The following TET3 variants were observed in gnomAD, a reference collection of about 807,000 sequenced individuals.
TET3 encodes methylcytosine dioxygenase TET3.
A neutral mutation model predicts 141.4 loss-of-function variants in TET3; 19 were observed. The ratio of observed to expected loss-of-function variants is 0.13; its 90% CI spans 0.09 to 0.20. The LOEUF (loss-of-function observed/expected upper bound fraction) is 0.20, where lower values mean the gene tolerates loss of function less well. Ranked by LOEUF, TET3 falls within the 10% of genes least tolerant of loss-of-function variation. The pLI is 1.00. For missense variants in TET3, 1,874 were observed against 2,356.9 expected (o/e 0.80, Z 4.24); for synonymous variants, 1,043 against 980.9 (o/e 1.06, Z -1.18).
At chr2:74,034,252 T>A (rs1349000504) in intron 3 of TET3, among the ~76,000 whole-genome samples, 1 of 151,406 alleles carries the variant, frequency 6.6e-6, no homozygotes, top group Admixed American at 6.6e-5. Context: ...TTATAGTTTT[T>A]TTTTTTATGT....
chr2:74,017,155 A>G (rs936339643), intron 3 of TET3, among the ~76,000 whole-genome samples: 1 of 151,990 alleles, frequency 6.6e-6, no homozygotes, highest in Non-Finnish European at 1.5e-5. Context: ...CCCGCACGAC[A>G]TTGTATGCCT....
chr2:74,099,785 C>A (rs1691065076), intron 11 of TET3, among the ~76,000 whole-genome samples, 173 bp downstream of exon 11: 1 of 152,130 alleles, frequency 6.6e-6, no homozygotes, highest in Non-Finnish European at 1.5e-5. Context: ...CGTGGGGATG[C>A]AAGTACAGCA....
At chr2:74,067,878 G>T (rs1688996609) in intron 4 of TET3, among the ~76,000 whole-genome samples, 1 of 152,204 alleles carries the variant, frequency 6.6e-6, no homozygotes, top group African/African-American at 2.4e-5. Flanking sequence ...GAGATGGTGT[G>T]GTGGGGACTT....
the TET3 span, among the ~76,000 whole-genome samples, chr2:74,127,759 G>A: frequency 6.6e-6 from 1 of 151,854 alleles, no homozygotes; most frequent in East Asian, 1.9e-4. Flanking sequence ...GGTTTGTATA[G>A]GGCACGGGAG....
chr2:74,080,698 G>GC (rs1329837752), intron 6 of TET3, 107 bp downstream of exon 6: 2 of 399,888 alleles, frequency 5.0e-6, no homozygotes, highest in African/African-American at 4.4e-5. Flanking sequence ...GCAGGCGAGG[G>GC]CGGGGGGTGG....
At position 74,046,252 on chromosome 2, in the gene TET3, T is replaced by G. The variant is rs1334407871; in HGVS notation, c.361-26T>G. 1 of 1,463,530 alleles carries G rather than the reference T, an allele frequency of 6.8e-7. No individual in the cohort carries two copies. The highest frequency in any genetic ancestry group is 2.5e-5 in the Admixed American group (1 of 39,418). 90.7% of individuals were successfully genotyped at this position (1,463,530 alleles called of 1,614,324 possible). On this transcript the variant is annotated intron_variant, in intron 3 of 11. Transcript: ENST00000409262. This position sits in a 1 kb window ranked among gnomAD's most constrained non-coding sequence, Gnocchi z 4.3. ...CAAATAGTGTGGTTCATTTTTTTCC[T>G]TTTTCCCCCTTCTCTCTCTCTTTAG...
At chr2:74,026,873 T>A (rs1276784872) in intron 3 of TET3, among the ~76,000 whole-genome samples, 2 of 152,170 alleles carry the variant, frequency 1.3e-5, no homozygotes, top group African/African-American at 4.8e-5. Context: ...CCAGAGCTCA[T>A]CTCTCTCTTC....
upstream of TET3, among the ~76,000 whole-genome samples, chr2:73,983,991 G>A (rs1167939274): frequency 6.6e-6 from 1 of 152,278 alleles, no homozygotes; most frequent in African/African-American, 2.4e-5. Context: ...AAAAGCAGCA[G>A]AGAGAACGGG....
At chr2:74,135,385 C>T in the TET3 span, 3 of 820,846 alleles carry the variant, frequency 3.7e-6, no homozygotes, top group East Asian at 8.0e-5. Flanking sequence ...ATAAAGGAAC[C>T]TGAAACATTA....
At chr2:74,031,232 G>A (rs889754873) in intron 3 of TET3, among the ~76,000 whole-genome samples, 17 of 152,028 alleles carry the variant, frequency 1.1e-4, no homozygotes, top group Non-Finnish European at 2.2e-4. Context: ...AGGGGACGGA[G>A]GAGGAAAAGG....
At chr2:74,062,651 A>G (rs1238916189) in intron 4 of TET3, among the ~76,000 whole-genome samples, 1 of 152,232 alleles carries the variant, frequency 6.6e-6, no homozygotes, top group Non-Finnish European at 1.5e-5. Flanking sequence ...TGGGGGAAAT[A>G]GAAAATACAA....
In TET3 at chr2:74,062,136, G is replaced by A. The variant is rs532580513; in HGVS notation, c.2495-11413G>A. Among the ~76,000 whole-genome samples the A allele has an allele frequency of 1.3e-5, 2 of 152,340 alleles. 1 individual carries two copies. Among genetic ancestry groups the A allele is most frequent in the South Asian group, 4.1e-4 (2 of 4,826 alleles). ...TGCACTCCAGCCTGGGCACCATTGA[G>A]CACTGAGTGAACCAGACTCCGTCTG... On this transcript the variant is annotated intron_variant, in intron 4 of 11. Coordinates refer to ENST00000409262, the MANE Select transcript of TET3 (RefSeq NM_001287491.2).
chr2:74,109,001 C>G (rs1691639551), downstream of TET3, among the ~76,000 whole-genome samples: 1 of 152,064 alleles, frequency 6.6e-6, no homozygotes, highest in Admixed American at 6.6e-5. Flanking sequence ...ACTGGAAATG[C>G]CTTGGCACAC....
chr2:74,054,903 T>C (rs1468122236), intron 4 of TET3, among the ~76,000 whole-genome samples: 1 of 152,128 alleles, frequency 6.6e-6, no homozygotes, highest in Non-Finnish European at 1.5e-5. Flanking sequence ...GTTGTTGTTG[T>C]TGTTGTTTTT....
the TET3 span, among the ~76,000 whole-genome samples, chr2:74,114,874 A>AAAAAAAAAAAAAAAAC: frequency 1.3e-5 from 2 of 149,646 alleles, no homozygotes; most frequent in African/African-American, 2.5e-5. Flanking sequence ...AAAAAAAAAA[A>AAAAAAAAAAAAAAAAC]GATGCTGGGA....
chr2:74,059,103 A>G (rs1271428865), intron 4 of TET3, among the ~76,000 whole-genome samples: 1 of 152,158 alleles, frequency 6.6e-6, no homozygotes, highest in Non-Finnish European at 1.5e-5. Context: ...TTCTATTCTA[A>G]CTTCTTACCA....
chr2:74,108,711 G>A (rs961656344), downstream of TET3, among the ~76,000 whole-genome samples: 1 of 152,194 alleles, frequency 6.6e-6, no homozygotes, highest in African/African-American at 2.4e-5. Flanking sequence ...CTTGAAAAGG[G>A]AATATGAATT....
intron 2 of TET3, among the ~76,000 whole-genome samples, chr2:73,988,499 G>A (rs891568502): frequency 1.3e-5 from 2 of 152,182 alleles, no homozygotes; most frequent in Non-Finnish European, 2.9e-5. Context: ...CTGGGAGTGA[G>A]GCCAGGACCT....
Position 74,102,329 on chromosome 2 carries a change from G to A in TET3, c.*153G>A. On this transcript the variant is annotated 3_prime_UTR_variant, in exon 12 of 12. Transcript: ENST00000409262. ...GCGCATATCATATATATGTATTTATGGTCCAAACCTCAGAACTGACCCGCC... is the reference window on the plus strand; with the variant it reads ...GCGCATATCATATATATGTATTTATAGTCCAAACCTCAGAACTGACCCGCC... The A allele has an allele frequency of 2.5e-6, 3 of 1,186,144 alleles. No homozygotes were observed. The highest frequency in any genetic ancestry group is 3.2e-6 in the Non-Finnish European group (3 of 942,618). The allele number at this position is 1,186,144 out of a possible 1,614,324, so 73.5% of individuals were successfully genotyped here. A position where few individuals can be genotyped will look rare whatever the true frequency, so the allele number is the denominator to read the frequency against.
Sources: allele counts gnomAD v4.1 joint callset (sites outside exome capture counted in the v4.1 genomes callset), GRCh38; gene constraint gnomAD v4.1.1; non-coding constraint Gnocchi (gnomAD v3.1); transcripts MANE v1.5; gene names NCBI Gene and HGNC (gene_info 2026-07-23, HGNC 2026-07-21).